CADM2: variants seen among roughly 807,000 people sequenced by gnomAD.
CADM2 encodes the protein cell adhesion molecule 2.
CADM2 carries 12 observed loss-of-function variants against 49.8 expected under a neutral mutation model. The observed-to-expected ratio is 0.24, with a 90% CI of 0.15 to 0.39. CADM2 has a LOEUF of 0.39. Among genes scored for constraint, CADM2 ranks in the 10% least tolerant of loss-of-function variants. The pLI is 1.00. For synonymous variants in CADM2, 214 were observed against 175.4 expected, an observed-to-expected ratio of 1.22 and a Z score of -1.74; for missense variants, 378 against 492.3, an observed-to-expected ratio of 0.77 and a Z score of 2.20.
At chr3:85,987,198 A>G (rs1234015800) in intron 8 of CADM2, among the ~76,000 whole-genome samples, 4 of 151,974 alleles carry the variant, frequency 2.6e-5, no homozygotes, top group African/African-American at 9.7e-5. Context: ...TCTTTCCACT[A>G]TTACCTATTA....
At chr3:85,147,228 T>G (rs1197597597) in intron 1 of CADM2, among the ~76,000 whole-genome samples, 1 of 138,052 alleles carries the variant, frequency 7.2e-6, no homozygotes, top group African/African-American at 2.7e-5. Flanking sequence ...TGAGCTGAGA[T>G]TGTGCCACAG....
chr3:85,338,027 C>T (rs1013992623), intron 1 of CADM2, among the ~76,000 whole-genome samples: 1 of 151,670 alleles, frequency 6.6e-6, no homozygotes, highest in Non-Finnish European at 1.5e-5. Flanking sequence ...TTGCCTCCAT[C>T]AGCGCCTCTG....
In CADM2 at chr3:85,126,504, T is replaced by TTG. The variant is rs533134937; in HGVS notation, c.61+166844_61+166845dup. On this transcript the variant is annotated intron_variant, in intron 1 of 9. Transcript: ENST00000383699. ...AAGAAACATTTTCTTTTGCAAAGTT[T>TTG]TGTGTGTGTATGTTTTAAAAAATAT... Among the ~76,000 whole-genome samples, 10 of 152,276 alleles carry TTG rather than the reference T, an allele frequency of 6.6e-5. No individual in the cohort carries two copies. In the East Asian group the frequency reaches 1.9e-3, roughly 29 times the overall value.
rs1398347459 is a variant in CADM2 at position 85,961,177 on chromosome 3, A to T, written c.792-292A>T. Among the ~76,000 whole-genome samples the T allele has an allele frequency of 5.9e-5, 9 of 151,284 alleles. No homozygotes were observed. In the East Asian group the frequency reaches 1.8e-3, roughly 30 times the overall value. On this transcript the variant is annotated intron_variant, in intron 7 of 9. Coordinates refer to ENST00000383699, the MANE Select transcript of CADM2 (RefSeq NM_001167675.2). ...ATGTGGGGTGTGAGCCATTAGCAGC[A>T]GAATCTGGGCCACACGACTTGAGCA...
At chr3:85,383,377 TTAGA>T (rs1275559178) in intron 1 of CADM2, among the ~76,000 whole-genome samples, 1 of 151,914 alleles carries the variant, frequency 6.6e-6, no homozygotes, top group Non-Finnish European at 1.5e-5. Flanking sequence ...AAATATGAAA[TTAGA>T]TAATTTCATT....
intron 1 of CADM2, among the ~76,000 whole-genome samples, chr3:85,021,273 C>G (rs563797761): frequency 1.3e-5 from 2 of 152,142 alleles, no homozygotes; most frequent in African/African-American, 4.8e-5. Context: ...TTTTCATTTT[C>G]GACATGCATT....
At chr3:85,152,529 A>C (rs969639513) in intron 1 of CADM2, among the ~76,000 whole-genome samples, 2 of 152,144 alleles carry the variant, frequency 1.3e-5, no homozygotes, top group African/African-American at 4.8e-5. Context: ...CTCAATACTA[A>C]TATTGATTGT....
At chr3:85,833,946 G>A (rs981270943) in intron 3 of CADM2, among the ~76,000 whole-genome samples, 2 of 151,478 alleles carry the variant, frequency 1.3e-5, no homozygotes, top group Non-Finnish European at 3.0e-5. Context: ...AGATGGCTTT[G>A]AGTAGTATGA....
chr3:85,877,549 A>C (rs1577541949), intron 3 of CADM2, among the ~76,000 whole-genome samples: 1 of 152,098 alleles, frequency 6.6e-6, no homozygotes, highest in South Asian at 2.1e-4. Context: ...AAATGAAAAT[A>C]TTTTCAAAGT....
At chr3:85,964,636 G>C (rs1386413421) in intron 8 of CADM2, among the ~76,000 whole-genome samples, 1 of 151,642 alleles carries the variant, frequency 6.6e-6, no homozygotes. Context: ...TTAACTGCCA[G>C]TCTAAAATTT....
At chr3:85,051,389 C>T (rs1020127759) in intron 1 of CADM2, among the ~76,000 whole-genome samples, 1 of 152,118 alleles carries the variant, frequency 6.6e-6, no homozygotes, top group Non-Finnish European at 1.5e-5. Context: ...ATATTAAATG[C>T]ATGAATCTTA....
intron 8 of CADM2, among the ~76,000 whole-genome samples, chr3:86,060,981 CAATAAT>C (rs144216839): frequency 1.8e-3 from 263 of 147,988 alleles, no homozygotes; most frequent in African/African-American, 5.9e-3. Context: ...GGCTATGTCT[CAATAAT>C]AATAATAATA....
intron 1 of CADM2, among the ~76,000 whole-genome samples, chr3:85,211,599 C>T (rs2041781775): frequency 6.6e-6 from 1 of 151,916 alleles, no homozygotes; most frequent in South Asian, 2.1e-4. Context: ...TCCAAAATTC[C>T]TCTTTGTGTT....
intron 1 of CADM2, among the ~76,000 whole-genome samples, chr3:85,287,138 C>G (rs1236704671): frequency 2.0e-5 from 3 of 152,006 alleles, no homozygotes; most frequent in Non-Finnish European, 4.4e-5. Context: ...TGGTGGCAAC[C>G]TCTTGAATAA....
chr3:85,657,499 A>T (rs188748901), intron 1 of CADM2, among the ~76,000 whole-genome samples: 4 of 152,002 alleles, frequency 2.6e-5, no homozygotes, highest in Admixed American at 2.0e-4. Context: ...TTCTGTCTCA[A>T]ATGACATCAT....
intron 1 of CADM2, among the ~76,000 whole-genome samples, chr3:85,536,637 C>G (rs893548705): frequency 6.6e-6 from 1 of 151,988 alleles, no homozygotes; most frequent in Non-Finnish European, 1.5e-5. Context: ...GGCTTTGCAG[C>G]CTTTTCACTG....
chr3:85,670,614 G>A (rs367878716), intron 1 of CADM2, among the ~76,000 whole-genome samples: 5 of 152,116 alleles, frequency 3.3e-5, no homozygotes, highest in East Asian at 3.9e-4. Flanking sequence ...AAAGCACCAA[G>A]AATATAAATC....
intron 1 of CADM2, among the ~76,000 whole-genome samples, chr3:85,517,408 A>C (rs2060930213): frequency 1.3e-5 from 2 of 152,110 alleles, no homozygotes; most frequent in African/African-American, 4.8e-5. Context: ...GCCCTTGGCA[A>C]TTTCTAAGCC....
chr3:84,985,600 C>T (rs1394354543), intron 1 of CADM2, among the ~76,000 whole-genome samples: 4 of 151,952 alleles, frequency 2.6e-5, no homozygotes, highest in Non-Finnish European at 5.9e-5. Context: ...TTGATGTTTG[C>T]GTCTTTGATG....
Sources: gnomAD v4.1 joint callset for allele counts (sites outside exome capture counted in the v4.1 genomes callset) on GRCh38, gnomAD v4.1.1 for gene constraint, MANE v1.5 for transcripts, NCBI Gene and HGNC (gene_info 2026-07-23, HGNC 2026-07-21) for gene names.